The following ROCK1 variants were observed in gnomAD, a reference collection of about 807,000 sequenced individuals.
ROCK1 encodes the protein rho-associated protein kinase 1.
Under a neutral mutation model 196.8 loss-of-function variants are expected in ROCK1, and 36 were observed. The observed-to-expected ratio is 0.18, with a 90% confidence interval of 0.14 to 0.24. The LOEUF (loss-of-function observed/expected upper bound fraction) is 0.24. ROCK1 is among the 10% of genes least tolerant of loss of function. ROCK1 has a pLI of 1.00. For missense variants in ROCK1, 920 were observed against 1,562.0 expected, an observed-to-expected ratio of 0.59 and a Z score of 6.93; for synonymous variants, 443 against 515.9, an observed-to-expected ratio of 0.86 and a Z score of 1.91.
rs910093827 is a variant in ROCK1 at position 20,949,179 on chromosome 18, A to G, written c.*2205T>C. 2.0e-4 allele frequency: 31 copies of G among 152,172 alleles called. No homozygotes were observed. Among genetic ancestry groups the G allele is most frequent in the African/African-American group, 7.5e-4 (31 of 41,438 alleles). 9.4% of individuals were successfully genotyped at this position (152,172 alleles called of 1,614,324 possible). On this transcript the variant is annotated 3_prime_UTR_variant, in exon 33 of 33. Coordinates refer to ENST00000399799, the MANE Select transcript of ROCK1 (RefSeq NM_005406.3). ...AAGTCTTCTCTTGCTTAAACTAATT[A>G]GAATTAACTCTGTTCTCTGCAACTG...
At chr18:21,018,773 C>G (rs937678948) in intron 12 of ROCK1, among the ~76,000 whole-genome samples, 2 of 152,112 alleles carry the variant, frequency 1.3e-5, no homozygotes, top group East Asian at 1.9e-4. Flanking sequence ...CCAAACCCCC[C>G]ACCTGCTCTG....
intron 22 of ROCK1, among the ~76,000 whole-genome samples, chr18:20,970,812 G>C (rs1180985314): frequency 1.3e-5 from 2 of 152,170 alleles, no homozygotes; most frequent in Non-Finnish European, 2.9e-5. Context: ...ATTTGGAATG[G>C]AAGGCAGCGT....
At chr18:20,958,912 T>TATATATATATTATATAAAAAATAATA (rs2035277392) in intron 29 of ROCK1, among the ~76,000 whole-genome samples, 1 of 75,056 alleles carries the variant, frequency 1.3e-5, no homozygotes, top group African/African-American at 5.0e-5. Context: ...TATATATATT[T>TATATATATATTATATAAAAAATAATA]TATATATTTT....
At chr18:20,952,731 C>T (rs575583924) in intron 32 of ROCK1, among the ~76,000 whole-genome samples, 4 of 151,038 alleles carry the variant, frequency 2.6e-5, no homozygotes, top group African/African-American at 9.7e-5. Context: ...GCTGAGATAG[C>T]GCCACCACTG....
chr18:20,966,492 A>AT (rs1462441308), intron 27 of ROCK1, among the ~76,000 whole-genome samples: 1 of 152,184 alleles, frequency 6.6e-6, no homozygotes, highest in Non-Finnish European at 1.5e-5. Context: ...AGGGTTCTAT[A>AT]TGTAGCTGCT....
At chr18:21,078,897 G>A (rs1383251151) in intron 1 of ROCK1, among the ~76,000 whole-genome samples, 1 of 152,130 alleles carries the variant, frequency 6.6e-6, no homozygotes. Context: ...GTGCTATCTG[G>A]TTCTACTGCT....
At chr18:21,055,792 A>T (rs1036183824) in intron 2 of ROCK1, among the ~76,000 whole-genome samples, 3 of 152,170 alleles carry the variant, frequency 2.0e-5, no homozygotes, top group African/African-American at 7.2e-5. Flanking sequence ...AAAATTTCTC[A>T]AAAGTTGTCT....
In ROCK1 at chr18:20,949,040, A is replaced by G. The variant is rs1459275120; in HGVS notation, c.*2344T>C. 2.0e-5 allele frequency: 3 copies of G among 152,212 alleles called. No individual in the cohort carries two copies. Among genetic ancestry groups the G allele is most frequent in the African/African-American group, 7.2e-5 (3 of 41,514 alleles). 9.4% of individuals were successfully genotyped at this position (152,212 alleles called of 1,614,324 possible). Reference sequence around the variant, plus strand: ...GGAGTGAGTGGTTTCCTGAACTTAGAAGAGGAAGCAGCTCTCCTGGTTGAC... The same window carrying G: ...GGAGTGAGTGGTTTCCTGAACTTAGGAGAGGAAGCAGCTCTCCTGGTTGAC... On this transcript the variant is annotated 3_prime_UTR_variant, in exon 33 of 33. Transcript: ENST00000399799.
chr18:20,987,165 T>C lies in ROCK1; in HGVS notation c.2144-55A>G, dbSNP rs73959764. On this transcript the variant is annotated intron_variant, in intron 18 of 32. Transcript: ENST00000399799. The stretch of plus-strand genomic sequence containing the variant: ...TTTAAAGAAAGAGTACTTTAACACA[T>C]TTCACTTTATATGGGCTGTAAACTG... The C allele has an allele frequency of 2.1e-3, 3,173 of 1,523,774 alleles. 63 individuals carry two copies. In the African/African-American group the frequency reaches 0.038, roughly 18 times the overall value. The allele number at this position is 1,523,774 out of a possible 1,614,324, so 94.4% of individuals were successfully genotyped here. A position where few individuals can be genotyped will look rare whatever the true frequency, so the allele number is the denominator to read the frequency against.
chr18:21,038,275 C>T (rs2143496789), intron 9 of ROCK1, among the ~76,000 whole-genome samples: 1 of 152,158 alleles, frequency 6.6e-6, no homozygotes, highest in Non-Finnish European at 1.5e-5. Context: ...GAGGAAGTTC[C>T]TTATTTCCTA....
chr18:21,052,105 C>T (rs1329539589), intron 2 of ROCK1, among the ~76,000 whole-genome samples: 2 of 152,140 alleles, frequency 1.3e-5, no homozygotes, highest in African/African-American at 4.8e-5. Context: ...AGAGTCTTGA[C>T]AAAGACCGCA....
chr18:20,998,596 A>ATTT (rs2035693388), intron 16 of ROCK1, among the ~76,000 whole-genome samples: 1 of 136,218 alleles, frequency 7.3e-6, no homozygotes, highest in African/African-American at 2.9e-5. Context: ...ATTTTACCAA[A>ATTT]CTTTTTTTTT....
Position 21,070,619 on chromosome 18 carries a change from G to T in ROCK1, c.94-6C>A. On this transcript the variant is annotated splice_polypyrimidine_tract_variant and splice_region_variant and intron_variant, in intron 1 of 32. Coordinates refer to ENST00000399799, the MANE Select transcript of ROCK1 (RefSeq NM_005406.3). ...ACCAAAGCATCCAATCCATCCTAAA[G>T]AAACAAACAAACAATGGTTAGTTTT... 1 of 1,591,308 alleles carries T rather than the reference G, an allele frequency of 6.3e-7. No individual in the cohort carries two copies. Among genetic ancestry groups the T allele is most frequent in the Non-Finnish European group, 8.6e-7 (1 of 1,167,212 alleles).
intron 2 of ROCK1, 68 bp downstream of exon 2, chr18:21,070,463 GC>G: frequency 2.6e-6 from 2 of 776,734 alleles, no homozygotes; most frequent in African/African-American, 1.8e-5. Context: ...AAAAATAAGG[GC>G]TTGAATGACA....
chr18:21,073,059 T>C (rs1173847274), intron 1 of ROCK1, among the ~76,000 whole-genome samples: 1 of 69,802 alleles, frequency 1.4e-5, no homozygotes, highest in Non-Finnish European at 2.4e-5. Context: ...AGAGACTCCG[T>C]CTCCAAAAAA....
At position 20,947,608 on chromosome 18, in the gene ROCK1, A is replaced by G. The variant is rs897338699; in HGVS notation, c.*3776T>C. On this transcript the variant is annotated 3_prime_UTR_variant, in exon 33 of 33. Transcript: ENST00000399799. ...TGAGAGAGTAAAACTGCTTGAGGCTAGGAGTTAGAGACCACCCTGGGCAAC... is the reference window on the plus strand; with the variant it reads ...TGAGAGAGTAAAACTGCTTGAGGCTGGGAGTTAGAGACCACCCTGGGCAAC... 4 of 152,218 alleles carry G rather than the reference A, an allele frequency of 2.6e-5. No individual in the cohort carries two copies. The highest frequency in any genetic ancestry group is 9.6e-5 in the African/African-American group (4 of 41,454). 9.4% of individuals were successfully genotyped at this position (152,218 alleles called of 1,614,324 possible).
chr18:21,093,216 T>A (rs2036585536), intron 1 of ROCK1, among the ~76,000 whole-genome samples: 1 of 152,214 alleles, frequency 6.6e-6, no homozygotes, highest in African/African-American at 2.4e-5. Flanking sequence ...TAGAAGCTAC[T>A]GGCACTCGTC....
At chr18:20,977,166 T>G (rs1384450522) in intron 22 of ROCK1, among the ~76,000 whole-genome samples, 2 of 152,232 alleles carry the variant, frequency 1.3e-5, no homozygotes, top group Non-Finnish European at 2.9e-5. Context: ...GTCACTAGCT[T>G]AGGATTTTCA....
At chr18:20,993,348 G>A (rs2035643130) in intron 16 of ROCK1, among the ~76,000 whole-genome samples, 1 of 152,106 alleles carries the variant, frequency 6.6e-6, no homozygotes, top group African/African-American at 2.4e-5. Flanking sequence ...GACTACAGGC[G>A]CCTGCCACCA....
Sources: gnomAD v4.1 joint callset for allele counts (sites outside exome capture counted in the v4.1 genomes callset) on GRCh38, gnomAD v4.1.1 for gene constraint, MANE v1.5 for transcripts, NCBI Gene and HGNC (gene_info 2026-07-23, HGNC 2026-07-21) for gene names.